The following GALNT13 variants were observed in gnomAD, a reference collection of about 807,000 sequenced individuals.
GALNT13 encodes UDP-GalNAc:polypeptide N-acetylgalactosaminyltransferase 13.
A neutral mutation model predicts 64.2 loss-of-function variants in GALNT13; 28 were observed. That is an observed-to-expected ratio of 0.44 (90% CI 0.32 to 0.60). The LOEUF (loss-of-function observed/expected upper bound fraction) is 0.60. Among genes scored for constraint, GALNT13 ranks in the 20% least tolerant of loss-of-function variants. The pLI, the probability that GALNT13 is intolerant of heterozygous loss-of-function variation, is 0.05. For synonymous variants in GALNT13, 214 were observed against 224.6 expected (o/e 0.95, Z 0.42); for missense variants, 577 against 669.8 (o/e 0.86, Z 1.53).
the GALNT13 span, among the ~76,000 whole-genome samples, chr2:153,462,795 A>G: frequency 6.6e-6 from 1 of 152,150 alleles, no homozygotes; most frequent in Non-Finnish European, 1.5e-5. Flanking sequence ...GTCTATAAAT[A>G]TGAAAGCGAT....
intron 3 of GALNT13, among the ~76,000 whole-genome samples, chr2:154,073,104 G>C (rs923947932): frequency 8.6e-5 from 13 of 151,976 alleles, no homozygotes; most frequent in Non-Finnish European, 1.0e-4. Context: ...TAAAATTTCT[G>C]ATGTCTACAT....
the GALNT13 span, among the ~76,000 whole-genome samples, chr2:153,690,080 T>C: frequency 6.6e-6 from 1 of 152,112 alleles, no homozygotes; most frequent in Non-Finnish European, 1.5e-5. Context: ...ATTAAAGCTA[T>C]CTATTGAATC....
intron 4 of GALNT13, among the ~76,000 whole-genome samples, chr2:154,152,826 A>G (rs1004936331): frequency 1.3e-5 from 2 of 151,996 alleles, no homozygotes; most frequent in African/African-American, 4.8e-5. Context: ...CTAGTTCTAC[A>G]TTTGTCTAAA....
At chr2:154,385,352 G>A (rs563340433) in intron 9 of GALNT13, among the ~76,000 whole-genome samples, 15 of 151,866 alleles carry the variant, frequency 9.9e-5, no homozygotes, top group Admixed American at 3.9e-4. Context: ...AATTTGCAAC[G>A]TGAGTCCTAT....
chr2:153,084,913 C>G, the GALNT13 span, among the ~76,000 whole-genome samples: 1 of 152,136 alleles, frequency 6.6e-6, no homozygotes, highest in African/African-American at 2.4e-5. Context: ...GAAGTTGGAA[C>G]AATGTGGAGG....
At chr2:154,333,535 A>C (rs1319896667) in intron 9 of GALNT13, among the ~76,000 whole-genome samples, 1 of 152,140 alleles carries the variant, frequency 6.6e-6, no homozygotes, top group East Asian at 1.9e-4. Context: ...GTTGAACAAA[A>C]TAATTGATGA....
At chr2:153,631,145 A>T in the GALNT13 span, among the ~76,000 whole-genome samples, 3 of 151,892 alleles carry the variant, frequency 2.0e-5, no homozygotes, top group Non-Finnish European at 4.4e-5. Flanking sequence ...TGAACTCATC[A>T]TTTTTTATGG....
rs966265896 is a variant in GALNT13 at position 154,168,919 on chromosome 2, G to A, written c.311+28414G>A. 1.4e-4 allele frequency among the ~76,000 whole-genome samples: 21 copies of A among 152,180 alleles called. No homozygotes were observed. In the Middle Eastern group the frequency reaches 0.017, roughly 123 times the overall value. The stretch of plus-strand genomic sequence containing the variant: ...CTGTAGTTTCTAGTCCATACACGAA[G>A]CATGGTGCCAGCACATACATCTGGA... On this transcript the variant is annotated intron_variant, in intron 4 of 12. Transcript: ENST00000392825.
chr2:153,687,408 AG>A, the GALNT13 span, among the ~76,000 whole-genome samples: 2 of 151,894 alleles, frequency 1.3e-5, no homozygotes, highest in Non-Finnish European at 2.9e-5. Context: ...CATTTCTTCT[AG>A]ATTTTCTAGT....
chr2:154,086,770 GCACA>G (rs111864421), intron 3 of GALNT13, among the ~76,000 whole-genome samples: 2 of 151,244 alleles, frequency 1.3e-5, no homozygotes, highest in Non-Finnish European at 1.5e-5. Context: ...TAGCATACGC[GCACA>G]CACACACACA....
At chr2:154,077,024 C>A (rs1311214506) in intron 3 of GALNT13, among the ~76,000 whole-genome samples, 2 of 151,506 alleles carry the variant, frequency 1.3e-5, no homozygotes, top group African/African-American at 4.8e-5. Flanking sequence ...ACAAATATTT[C>A]TAAAGGAGGC....
the GALNT13 span, among the ~76,000 whole-genome samples, chr2:153,103,671 T>C: frequency 6.6e-6 from 1 of 152,196 alleles, no homozygotes; most frequent in Non-Finnish European, 1.5e-5. Flanking sequence ...CACTTTTCAG[T>C]ATTTGAAAGT....
At chr2:153,090,741 G>A in the GALNT13 span, among the ~76,000 whole-genome samples, 2 of 152,120 alleles carry the variant, frequency 1.3e-5, no homozygotes, top group Non-Finnish European at 2.9e-5. Flanking sequence ...CCATCAAGTG[G>A]GGGCAGGGTT....
At chr2:154,362,878 C>G (rs950174303) in intron 9 of GALNT13, among the ~76,000 whole-genome samples, 1 of 152,166 alleles carries the variant, frequency 6.6e-6, no homozygotes, top group Non-Finnish European at 1.5e-5. Context: ...GTCAACCTTT[C>G]AAACCCTTTA....
At chr2:153,421,025 G>GT in the GALNT13 span, 1 of 182,864 alleles carries the variant, frequency 5.5e-6, no homozygotes, top group East Asian at 1.7e-4. Context: ...TGGAATAGCA[G>GT]TAAGTATTGA....
intron 4 of GALNT13, among the ~76,000 whole-genome samples, chr2:154,174,730 G>A (rs1176006631): frequency 6.6e-6 from 1 of 151,980 alleles, no homozygotes; most frequent in Non-Finnish European, 1.5e-5. Context: ...TTTCTCATTG[G>A]GAAATAAGAC....
chr2:153,733,499 A>G, the GALNT13 span, among the ~76,000 whole-genome samples: 1 of 152,074 alleles, frequency 6.6e-6, no homozygotes, highest in Admixed American at 6.6e-5. Context: ...CTTTTTCCTA[A>G]TTGTCTCTCC....
chr2:153,971,248 A>G (rs1693717991), intron 3 of GALNT13, among the ~76,000 whole-genome samples: 1 of 152,050 alleles, frequency 6.6e-6, no homozygotes, highest in Non-Finnish European at 1.5e-5. Context: ...ACTATTTGAA[A>G]AGGTAAATTG....
At chr2:153,641,663 T>C in the GALNT13 span, among the ~76,000 whole-genome samples, 1 of 152,130 alleles carries the variant, frequency 6.6e-6, no homozygotes, top group African/African-American at 2.4e-5. Flanking sequence ...TGTTAATTTA[T>C]ATGGATTTCC....
Sources: allele counts gnomAD v4.1 joint callset (sites outside exome capture counted in the v4.1 genomes callset), GRCh38; gene constraint gnomAD v4.1.1; transcripts MANE v1.5; gene names NCBI Gene and HGNC (gene_info 2026-07-23, HGNC 2026-07-21).